Variants in TENM3 observed in about 807,000 individuals in gnomAD.
TENM3 encodes teneurin transmembrane protein 3, also known as teneurin-3.
Under a neutral mutation model 255.1 loss-of-function variants are expected in TENM3, and 63 were observed. The ratio of observed to expected loss-of-function variants is 0.25; its 90% CI spans 0.20 to 0.30. TENM3 has a LOEUF of 0.30. Among genes scored for constraint, TENM3 ranks in the 10% least tolerant of loss-of-function variants. The pLI is 1.00. For missense variants in TENM3, 2,929 were observed against 3,461.1 expected (o/e 0.85, Z 3.86); for synonymous variants, 1,306 against 1,322.3 (o/e 0.99, Z 0.27).
chr4:181,980,111 A>G, the TENM3 span: 2 of 152,212 alleles, frequency 1.3e-5, no homozygotes, highest in Non-Finnish European at 2.9e-5. Context: ...CAAAAGCAGT[A>G]ACTTATTTGG....
the TENM3 span, among the ~76,000 whole-genome samples, chr4:181,826,618 G>A: frequency 6.6e-6 from 1 of 152,316 alleles, no homozygotes; most frequent in Non-Finnish European, 1.5e-5. Flanking sequence ...ATTCCCAGAG[G>A]GGTTTAAAAG....
chr4:181,926,225 T>C, the TENM3 span, among the ~76,000 whole-genome samples: 11 of 152,246 alleles, frequency 7.2e-5, no homozygotes, highest in East Asian at 3.8e-4. Flanking sequence ...AATGCAACTA[T>C]AGTATGTACA....
chr4:181,740,296 T>G, the TENM3 span, among the ~76,000 whole-genome samples: 1 of 152,196 alleles, frequency 6.6e-6, no homozygotes, highest in Non-Finnish European at 1.5e-5. Context: ...ATTTTTGATA[T>G]CTTAACAATT....
the TENM3 span, among the ~76,000 whole-genome samples, chr4:182,120,274 T>C: frequency 6.6e-6 from 1 of 152,190 alleles, no homozygotes; most frequent in Non-Finnish European, 1.5e-5. Context: ...TACAGGTTTG[T>C]AGCCTAGGAG....
chr4:182,385,875 A>G (rs1274413032), intron 3 of TENM3, among the ~76,000 whole-genome samples: 1 of 152,152 alleles, frequency 6.6e-6, no homozygotes. Flanking sequence ...TTTTCATATT[A>G]TTATTATTTT....
chr4:182,036,618 A>G, the TENM3 span, among the ~76,000 whole-genome samples: 3 of 152,236 alleles, frequency 2.0e-5, no homozygotes, highest in Non-Finnish European at 1.5e-5. Flanking sequence ...TAAATATTAC[A>G]AACACTTTTC....
At chr4:182,020,154 C>A in the TENM3 span, among the ~76,000 whole-genome samples, 1 of 152,032 alleles carries the variant, frequency 6.6e-6, no homozygotes, top group Non-Finnish European at 1.5e-5. Flanking sequence ...CCCTTGAGGT[C>A]AGGAGTTCGA....
At chr4:181,771,343 G>A in the TENM3 span, among the ~76,000 whole-genome samples, 3 of 152,290 alleles carry the variant, frequency 2.0e-5, no homozygotes, top group Admixed American at 2.0e-4. Flanking sequence ...TGTAATAGGT[G>A]ATGCACTGGA....
At chr4:182,205,624 T>C (rs1472789628) in intron 1 of TENM3, among the ~76,000 whole-genome samples, 1 of 152,294 alleles carries the variant, frequency 6.6e-6, no homozygotes, top group Non-Finnish European at 1.5e-5. Context: ...ACCTAACTCA[T>C]TGTCAAGCTT....
the TENM3 span, among the ~76,000 whole-genome samples, chr4:181,724,073 G>A: frequency 6.6e-6 from 1 of 152,202 alleles, no homozygotes; most frequent in East Asian, 1.9e-4. Flanking sequence ...AATGTGGGAT[G>A]CTTCTCCACT....
At chr4:182,249,889 A>C (rs1757885750) in intron 1 of TENM3, among the ~76,000 whole-genome samples, 1 of 151,736 alleles carries the variant, frequency 6.6e-6, no homozygotes, top group Admixed American at 6.6e-5. Flanking sequence ...CAGCCTCCCG[A>C]GTAGCTGAGA....
At chr4:182,014,552 CA>C in the TENM3 span, among the ~76,000 whole-genome samples, 1 of 152,008 alleles carries the variant, frequency 6.6e-6, no homozygotes, top group Non-Finnish European at 1.5e-5. Context: ...AGGAGAAAAA[CA>C]AAAAACCCAG....
intron 3 of TENM3, among the ~76,000 whole-genome samples, chr4:182,453,042 ATG>A (rs1430299646): frequency 7.3e-6 from 1 of 137,222 alleles, no homozygotes; most frequent in Admixed American, 7.5e-5. Context: ...ATATATATAT[ATG>A]CATACATATA....
intron 1 of TENM3, among the ~76,000 whole-genome samples, chr4:182,162,141 C>G (rs1017876314): frequency 6.6e-5 from 10 of 151,752 alleles, no homozygotes; most frequent in Admixed American, 5.9e-4. Flanking sequence ...GCCTCAGTCT[C>G]TTGAGTTGCT....
the TENM3 span, among the ~76,000 whole-genome samples, chr4:181,454,008 T>C: frequency 6.6e-6 from 1 of 152,116 alleles, no homozygotes; most frequent in Admixed American, 6.6e-5. Flanking sequence ...GGAATAAAAA[T>C]AAGAAGTTCT....
chr4:181,467,577 A>G, the TENM3 span, among the ~76,000 whole-genome samples: 2 of 152,122 alleles, frequency 1.3e-5, no homozygotes, highest in African/African-American at 4.8e-5. Flanking sequence ...TAAATAGAGT[A>G]AAAAATATTC....
In TENM3 at chr4:182,792,419, A is replaced by AC. The variant is rs759002897; in HGVS notation, c.5753dup (p.Glu1919GlyfsTer37). 1 of 1,613,582 alleles carries AC rather than the reference A, an allele frequency of 6.2e-7. No homozygotes were observed. The highest frequency in any genetic ancestry group is 8.5e-7 in the Non-Finnish European group (1 of 1,179,860). The stretch of plus-strand genomic sequence containing the variant: ...ATTGGCTACTACCGCAACATATACA[A>AC]CCCCCCGGAAAGCAACGCCTCCATC... On this transcript the variant is annotated frameshift_variant, in exon 26 of 28. Transcript: ENST00000511685. LOFTEE classifies it high-confidence loss of function. The surrounding 1 kb of genome is among the most constrained non-coding windows in gnomAD (Gnocchi z 6.3).
the TENM3 span, among the ~76,000 whole-genome samples, chr4:181,944,275 TG>T: frequency 1.3e-5 from 2 of 151,678 alleles, no homozygotes; most frequent in Non-Finnish European, 2.9e-5. Context: ...ATTATAGTCT[TG>T]GGGGGGTCCC....
chr4:181,495,327 C>T, the TENM3 span, among the ~76,000 whole-genome samples: 3 of 152,082 alleles, frequency 2.0e-5, no homozygotes, highest in East Asian at 5.8e-4. Flanking sequence ...GGGACAATGC[C>T]TACAACGTTC....
Sources: allele counts gnomAD v4.1 joint callset (sites outside exome capture counted in the v4.1 genomes callset), GRCh38; gene constraint gnomAD v4.1.1; non-coding constraint Gnocchi (gnomAD v3.1); transcripts MANE v1.5; gene names NCBI Gene and HGNC (gene_info 2026-07-23, HGNC 2026-07-21).